MALRD1: variants seen among roughly 807,000 people sequenced by gnomAD.
The protein encoded by MALRD1 is MAM and LDL-receptor class A domain-containing protein 1.
MALRD1 carries 247 observed loss-of-function variants against 242.1 expected under a neutral mutation model. That is an observed-to-expected ratio of 1.02 (90% CI 0.92 to 1.13). The LOEUF (loss-of-function observed/expected upper bound fraction) is 1.13. MALRD1 is among the 50% of genes most tolerant of loss of function. The pLI is 0.00. For missense variants in MALRD1, 2,989 were observed against 2,533.1 expected, an observed-to-expected ratio of 1.18 and a Z score of -3.86; for synonymous variants, 995 against 866.6, an observed-to-expected ratio of 1.15 and a Z score of -2.60.
intron 28 of MALRD1, among the ~76,000 whole-genome samples, chr10:19,420,797 G>T (rs1833692663): frequency 6.6e-6 from 1 of 152,192 alleles, no homozygotes; most frequent in Non-Finnish European, 1.5e-5. Context: ...GTGCACAGGG[G>T]TAGCAACGTC....
chr10:19,615,997 T>A (rs1204938238), intron 36 of MALRD1, 74 bp downstream of exon 36: 27 of 1,026,562 alleles, frequency 2.6e-5, no homozygotes, highest in South Asian at 2.2e-4. Context: ...TAGGCTGATA[T>A]AATAGAGCAT....
chr10:19,490,511 G>GGT (rs1554783746), intron 29 of MALRD1, among the ~76,000 whole-genome samples: 1 of 128,396 alleles, frequency 7.8e-6, no homozygotes, highest in Non-Finnish European at 1.7e-5. Context: ...TGGGGCGGGG[G>GGT]GGGGGCAGGG....
chr10:19,324,103 C>T lies in MALRD1; in HGVS notation c.3574C>T (p.Gln1192Ter), dbSNP rs898385734. The T allele has an allele frequency of 3.2e-6, 5 of 1,549,844 alleles. No individual in the cohort carries two copies. Among genetic ancestry groups the T allele is most frequent in the Non-Finnish European group, 4.4e-6 (5 of 1,146,606 alleles). The change falls in exon 22 of 40, where the codon CAG becomes TAG. Residue 1192 changes from glutamine (Q) to a stop codon, truncating the protein, a stop_gained and splice_region_variant. Coordinates refer to ENST00000454679, the MANE Select transcript of MALRD1 (RefSeq NM_001142308.3). LOFTEE classifies it high-confidence loss of function. Reference sequence around the variant, plus strand: ...GAATGGGGCCACCGTTGGTTCTCTCCAGGTACTGCTTAGGCAATCACATTT... The same window carrying T: ...GAATGGGGCCACCGTTGGTTCTCTCTAGGTACTGCTTAGGCAATCACATTT... ...HMNGATVGSLQVLIKKDNVTS... is the reference protein window; with the variant it reads ...HMNGATVGSL
chr10:19,725,860 A>T (rs1358103024), intron 38 of MALRD1, among the ~76,000 whole-genome samples: 1 of 152,220 alleles, frequency 6.6e-6, no homozygotes, highest in African/African-American at 2.4e-5. Context: ...TAGTCTCTTC[A>T]GTAGATGATA....
At chr10:19,114,767 A>G (rs1836812326) in intron 5 of MALRD1, among the ~76,000 whole-genome samples, 1 of 152,194 alleles carries the variant, frequency 6.6e-6, no homozygotes, top group African/African-American at 2.4e-5. Context: ...TACTCAAACA[A>G]TAGAAATTTA....
chr10:19,177,431 C>T (rs1018492965), intron 14 of MALRD1, among the ~76,000 whole-genome samples: 2 of 151,944 alleles, frequency 1.3e-5, no homozygotes, highest in Non-Finnish European at 2.9e-5. Context: ...TTGAAGAGCA[C>T]TGTCTTGTAA....
At chr10:19,323,465 C>G (rs1205341165) in intron 21 of MALRD1, among the ~76,000 whole-genome samples, 1 of 152,054 alleles carries the variant, frequency 6.6e-6, no homozygotes, top group East Asian at 1.9e-4. Context: ...ATTACAAGGA[C>G]TATGGGTTCA....
intron 33 of MALRD1, among the ~76,000 whole-genome samples, chr10:19,583,633 T>G (rs1837240904): frequency 6.6e-6 from 1 of 152,168 alleles, no homozygotes; most frequent in Non-Finnish European, 1.5e-5. Context: ...TGCCAGTATT[T>G]TATTGAGGAT....
intron 36 of MALRD1, among the ~76,000 whole-genome samples, chr10:19,679,391 G>A (rs190868711): frequency 5.3e-5 from 8 of 152,254 alleles, no homozygotes; most frequent in South Asian, 2.1e-4. Flanking sequence ...TCTTGGCAGG[G>A]TGTATGTGTC....
intron 26 of MALRD1, among the ~76,000 whole-genome samples, chr10:19,381,230 G>A (rs1845826018): frequency 6.6e-6 from 1 of 150,984 alleles, no homozygotes; most frequent in East Asian, 1.9e-4. Context: ...CCCTACAAAG[G>A]ACATGAACTC....
chr10:19,395,505 A>G (rs932349471), intron 28 of MALRD1, among the ~76,000 whole-genome samples: 1 of 152,128 alleles, frequency 6.6e-6, no homozygotes, highest in Non-Finnish European at 1.5e-5. Context: ...TTTCCAAGGG[A>G]GGCAATCAGT....
At chr10:19,124,051 A>C (rs956693449) in intron 6 of MALRD1, among the ~76,000 whole-genome samples, 5 of 151,082 alleles carry the variant, frequency 3.3e-5, no homozygotes, top group African/African-American at 4.9e-5. Flanking sequence ...ACCAAAAAAA[A>C]AAAAAAAAAA....
In MALRD1 at chr10:19,389,490, C is replaced by A. The variant is rs573803213; in HGVS notation, c.4726C>A (p.Arg1576=). Residue 1576 remains arginine, a synonymous_variant, in exon 28 of 40, where the codon CGG becomes AGG. Coordinates refer to ENST00000454679, the MANE Select transcript of MALRD1 (RefSeq NM_001142308.3). ...TCTGGAAGCTACTGCAGTGGGCCTTCGGGGTGACAAAGCACACTTCAGGAG... is the reference window on the plus strand; with the variant it reads ...TCTGGAAGCTACTGCAGTGGGCCTTAGGGGTGACAAAGCACACTTCAGGAG... ...MYLEATAVGL[R]GDKAHFRSTM... 1.2e-5 allele frequency: 19 copies of A among 1,550,436 alleles called. No homozygotes were observed. The highest frequency in any genetic ancestry group is 2.4e-5 in the East Asian group (1 of 40,926).
chr10:19,596,712 C>A (rs867890604), intron 34 of MALRD1, among the ~76,000 whole-genome samples: 1 of 150,672 alleles, frequency 6.6e-6, no homozygotes, highest in Non-Finnish European at 1.5e-5. Context: ...GCACCCCAGC[C>A]TGGGTGACAA....
chr10:19,344,701 C>A (rs1844031249), intron 24 of MALRD1, among the ~76,000 whole-genome samples: 1 of 146,238 alleles, frequency 6.8e-6, no homozygotes. Context: ...ATAAAAATTG[C>A]ATTTAATACC....
intron 36 of MALRD1, among the ~76,000 whole-genome samples, chr10:19,641,127 C>T (rs1030381740): frequency 9.2e-5 from 14 of 152,124 alleles, no homozygotes; most frequent in Non-Finnish European, 1.8e-4. Context: ...TAATGTAATA[C>T]AGTCTCTATG....
At chr10:19,388,144 C>G (rs1469123642) in intron 27 of MALRD1, among the ~76,000 whole-genome samples, 2 of 152,114 alleles carry the variant, frequency 1.3e-5, no homozygotes, top group Non-Finnish European at 2.9e-5. Context: ...TTCACATCAT[C>G]TTCTCTGTAA....
rs563479254 is a variant in MALRD1 at position 19,292,448 on chromosome 10, A to C, written c.3419+9267A>C. Among the ~76,000 whole-genome samples the C allele has an allele frequency of 4.6e-5, 7 of 152,310 alleles. No homozygotes were observed. In the South Asian group the frequency reaches 1.4e-3, roughly 32 times the overall value. Reference sequence around the variant, plus strand: ...ATTTGTTTGAATATACACTATCTTGAAAAGTAGAAGTACCCAGATTTAAAA... The same window carrying C: ...ATTTGTTTGAATATACACTATCTTGCAAAGTAGAAGTACCCAGATTTAAAA... On this transcript the variant is annotated intron_variant, in intron 21 of 39. Coordinates refer to ENST00000454679, the MANE Select transcript of MALRD1 (RefSeq NM_001142308.3).
chr10:19,386,377 A>G (rs1020861929), intron 26 of MALRD1, among the ~76,000 whole-genome samples: 2 of 151,052 alleles, frequency 1.3e-5, no homozygotes, highest in Admixed American at 1.3e-4. Context: ...GCAAGGAGTG[A>G]TGTTATCAGC....
Sources: gnomAD v4.1 joint callset for allele counts (sites outside exome capture counted in the v4.1 genomes callset) on GRCh38, gnomAD v4.1.1 for gene constraint, MANE v1.5 for transcripts, NCBI Gene and HGNC (gene_info 2026-07-23, HGNC 2026-07-21) for gene names.